GRIK1: variants seen among roughly 807,000 people sequenced by gnomAD.
The protein encoded by GRIK1 is glutamate ionotropic receptor kainate type subunit 1.
GRIK1 carries 69 observed loss-of-function variants against 105.7 expected under a neutral mutation model. The observed-to-expected ratio is 0.65, with a 90% confidence interval of 0.54 to 0.80. The LOEUF (loss-of-function observed/expected upper bound fraction) is 0.80, where lower values mean the gene tolerates loss of function less well. Ranked by LOEUF, GRIK1 falls within the 30% of genes least tolerant of loss-of-function variation. The probability of loss-of-function intolerance (pLI) is 0.00; values close to 1 mark genes in which losing one functional copy is unlikely to be tolerated. For synonymous variants in GRIK1, 438 were observed against 431.3 expected, an observed-to-expected ratio of 1.02 and a Z score of -0.19; for missense variants, 1,109 against 1,167.3, an observed-to-expected ratio of 0.95 and a Z score of 0.73.
intron 1 of GRIK1, among the ~76,000 whole-genome samples, chr21:29,694,563 T>C (rs1013237503): frequency 3.3e-5 from 5 of 152,214 alleles, no homozygotes; most frequent in East Asian, 3.8e-4. Flanking sequence ...ACTGCATATG[T>C]ATGCTTAAGA....
At chr21:29,876,178 G>A (rs538053524) in intron 1 of GRIK1, among the ~76,000 whole-genome samples, 7 of 151,250 alleles carry the variant, frequency 4.6e-5, no homozygotes, top group African/African-American at 1.7e-4. Flanking sequence ...AGGTACTTGG[G>A]TTTTGGGTAG....
At chr21:29,630,522 T>A (rs1029097793) in intron 7 of GRIK1, 1 of 471,564 alleles carries the variant, frequency 2.1e-6, no homozygotes, top group African/African-American at 2.0e-5. Context: ...AGAGATTTGC[T>A]CTCTTCTGGT....
chr21:29,591,334 C>T (rs1390723242), intron 9 of GRIK1, 109 bp from the exon 10 acceptor site: 2 of 753,814 alleles, frequency 2.7e-6, no homozygotes, highest in Non-Finnish European at 4.9e-6. Flanking sequence ...CAGTTTGGGA[C>T]ACTGGGGCAT....
intron 1 of GRIK1, among the ~76,000 whole-genome samples, chr21:29,771,177 T>C (rs974191649): frequency 5.3e-5 from 8 of 152,216 alleles, no homozygotes; most frequent in African/African-American, 1.4e-4. Flanking sequence ...AGTTGCAGTG[T>C]TTAAATGAAA....
chr21:29,597,416 G>T (rs745634554), intron 8 of GRIK1, among the ~76,000 whole-genome samples: 1 of 152,160 alleles, frequency 6.6e-6, no homozygotes, highest in African/African-American at 2.4e-5. Context: ...CCAAAAAGAT[G>T]TTTCCTTAAC....
intron 1 of GRIK1, among the ~76,000 whole-genome samples, chr21:29,881,880 A>G (rs538650051): frequency 1.3e-5 from 2 of 152,268 alleles, no homozygotes; most frequent in East Asian, 3.9e-4. Context: ...ATAAAAGACA[A>G]TCTTTTACAA....
At chr21:29,706,087 TG>T (rs2146788938) in intron 1 of GRIK1, among the ~76,000 whole-genome samples, 1 of 152,294 alleles carries the variant, frequency 6.6e-6, no homozygotes, top group South Asian at 2.1e-4. Flanking sequence ...TTGGCCAGGC[TG>T]GTCTCAAACT....
chr21:29,918,425 T>C (rs1180783126), intron 1 of GRIK1, among the ~76,000 whole-genome samples: 2 of 152,100 alleles, frequency 1.3e-5, no homozygotes, highest in Admixed American at 6.6e-5. Context: ...CTGTGCAATT[T>C]TCCCAGTTCT....
At chr21:29,832,045 A>G (rs2067657254) in intron 1 of GRIK1, among the ~76,000 whole-genome samples, 1 of 152,226 alleles carries the variant, frequency 6.6e-6, no homozygotes, top group Admixed American at 6.5e-5. Flanking sequence ...CAAAAGGGCT[A>G]CAGGCCTCAT....
intron 3 of GRIK1, among the ~76,000 whole-genome samples, chr21:29,687,370 T>G (rs2063504470): frequency 6.6e-6 from 1 of 152,168 alleles, no homozygotes. Flanking sequence ...TGATAATTAC[T>G]AAAGGCAAGA....
At position 29,874,405 on chromosome 21, in the gene GRIK1, G is replaced by A. The variant is rs574052845; in HGVS notation, c.118+64978C>T. Among the ~76,000 whole-genome samples, 212 of 152,250 alleles carry A rather than the reference G, an allele frequency of 1.4e-3. 1 individual carries two copies. The highest frequency in any genetic ancestry group is 5.0e-3 in the African/African-American group (208 of 41,538). ...GGATGACTTCCTTGTTACCTAGGGC[G>A]AGGCCAGATGCAGACCTTCCAAATT... is the stretch of plus-strand genomic sequence containing the variant. On this transcript the variant is annotated intron_variant, in intron 1 of 17. Coordinates refer to ENST00000327783, the MANE Select transcript of GRIK1 (RefSeq NM_001330994.2).
chr21:29,771,307 G>A (rs891756908), intron 1 of GRIK1, among the ~76,000 whole-genome samples: 4 of 152,200 alleles, frequency 2.6e-5, no homozygotes, highest in African/African-American at 7.2e-5. Flanking sequence ...ATATTTGGTA[G>A]AGCAGGGATT....
intron 1 of GRIK1, among the ~76,000 whole-genome samples, chr21:29,912,077 A>C (rs1445345204): frequency 6.6e-6 from 1 of 152,074 alleles, no homozygotes; most frequent in African/African-American, 2.4e-5. Context: ...AAAGAGAGAA[A>C]ATGATAAAGT....
chr21:29,845,705 A>G (rs1292384538), intron 1 of GRIK1, among the ~76,000 whole-genome samples: 1 of 151,514 alleles, frequency 6.6e-6, no homozygotes, highest in African/African-American at 2.4e-5. Context: ...CTCTTTGTTT[A>G]TTTTTCTTTT....
At chr21:29,620,777 ATATAGATATATATATC>A (rs1168653760) in intron 7 of GRIK1, among the ~76,000 whole-genome samples, 6 of 117,346 alleles carry the variant, frequency 5.1e-5, no homozygotes, top group African/African-American at 2.7e-4. Flanking sequence ...AGTCATATAT[ATATAGATATATATATC>A]TATATATATA....
intron 1 of GRIK1, among the ~76,000 whole-genome samples, chr21:29,722,628 G>A (rs2064351679): frequency 6.7e-6 from 1 of 149,328 alleles, no homozygotes; most frequent in Non-Finnish European, 1.5e-5. Flanking sequence ...TTCTTTTTTA[G>A]CCATTGTAAA....
At position 29,678,244 on chromosome 21, in the gene GRIK1, C is replaced by T. The variant is rs531646535; in HGVS notation, c.545-5080G>A. 1.2e-4 allele frequency among the ~76,000 whole-genome samples: 19 copies of T among 152,086 alleles called. No individual in the cohort carries two copies. The East Asian group carries it at 1.5e-3, about 12-fold the overall frequency. On this transcript the variant is annotated intron_variant, in intron 3 of 17. Transcript: ENST00000327783. ...AAGGGGATCTGTGCATCCTCCAGAGCGGAGGAAAAATCAAAACTAAAAAAT... is the reference window on the plus strand; with the variant it reads ...AAGGGGATCTGTGCATCCTCCAGAGTGGAGGAAAAATCAAAACTAAAAAAT...
At chr21:29,920,708 A>G (rs2071163317) in intron 1 of GRIK1, among the ~76,000 whole-genome samples, 1 of 152,122 alleles carries the variant, frequency 6.6e-6, no homozygotes, top group Admixed American at 6.5e-5. Flanking sequence ...GATACTCATG[A>G]AGCTTGGAGA....
intron 1 of GRIK1, among the ~76,000 whole-genome samples, chr21:29,859,012 C>T (rs2068552178): frequency 6.6e-6 from 1 of 150,998 alleles, no homozygotes; most frequent in East Asian, 2.0e-4. Context: ...CACATATACA[C>T]CATCGAATAC....
Sources: gnomAD v4.1 joint callset for allele counts (sites outside exome capture counted in the v4.1 genomes callset) on GRCh38, gnomAD v4.1.1 for gene constraint, MANE v1.5 for transcripts, NCBI Gene and HGNC (gene_info 2026-07-23, HGNC 2026-07-21) for gene names.